The following B3GALT1 variants were observed in gnomAD, a reference collection of about 807,000 sequenced individuals.
B3GALT1 encodes the protein UDP-Gal:betaGlcNAc beta 1,3-galactosyltransferase, polypeptide 1.
In B3GALT1, 10 loss-of-function variants were observed where a neutral mutation model predicts 23.2. That is an observed-to-expected ratio of 0.43 (90% CI 0.27 to 0.73). The LOEUF (loss-of-function observed/expected upper bound fraction) is 0.73. B3GALT1 is among the 30% of genes least tolerant of loss of function. The probability of loss-of-function intolerance (pLI) is 0.21; values close to 1 mark genes in which losing one functional copy is unlikely to be tolerated. For missense variants in B3GALT1, 299 were observed against 405.4 expected (o/e 0.74, Z 2.25); for synonymous variants, 156 against 141.5 (o/e 1.10, Z -0.73).
intron 2 of B3GALT1, among the ~76,000 whole-genome samples, chr2:167,600,519 A>G (rs940030350): frequency 6.6e-6 from 1 of 152,146 alleles, no homozygotes; most frequent in African/African-American, 2.4e-5. Context: ...ACCCTTTGGT[A>G]CCGCTCCACC....
At chr2:167,630,458 C>T (rs1685420243) in intron 2 of B3GALT1, among the ~76,000 whole-genome samples, 1 of 151,684 alleles carries the variant, frequency 6.6e-6, no homozygotes, top group Non-Finnish European at 1.5e-5. Flanking sequence ...TAATTGGAGA[C>T]ATTTTGGTAG....
At chr2:167,429,238 G>A (rs1011825683) in intron 1 of B3GALT1, among the ~76,000 whole-genome samples, 6 of 146,444 alleles carry the variant, frequency 4.1e-5, no homozygotes, top group African/African-American at 7.7e-5. Context: ...CCGAGATCGC[G>A]CCGCTGCACT....
In B3GALT1 at chr2:167,808,842, T is replaced by C. The variant is rs1023927153; in HGVS notation, c.-351-9830T>C. ...TTGAATGTTGGCCTGTCTTGCTAGA[T>C]TGGGGAAGCTCTCCTGGATAATATC... On this transcript the variant is annotated intron_variant, in intron 3 of 4. Coordinates refer to ENST00000392690, the MANE Select transcript of B3GALT1 (RefSeq NM_020981.4). Among the ~76,000 whole-genome samples, 4 of 152,216 alleles carry C rather than the reference T, an allele frequency of 2.6e-5. No homozygotes were observed. In the South Asian group the frequency reaches 6.2e-4, roughly 24 times the overall value.
intron 4 of B3GALT1, among the ~76,000 whole-genome samples, chr2:167,838,002 G>C (rs1163746195): frequency 6.6e-6 from 1 of 151,466 alleles, no homozygotes; most frequent in Non-Finnish European, 1.5e-5. Flanking sequence ...CAACATACCA[G>C]AATCTCTGGG....
intron 3 of B3GALT1, among the ~76,000 whole-genome samples, chr2:167,816,589 T>TAATA: frequency 6.6e-6 from 1 of 152,320 alleles, no homozygotes; most frequent in East Asian, 1.9e-4. Flanking sequence ...CTTTGTTCAA[T>TAATA]AATATTTTAT....
intron 2 of B3GALT1, among the ~76,000 whole-genome samples, chr2:167,624,801 G>T (rs1047042126): frequency 1.3e-5 from 2 of 151,898 alleles, no homozygotes; most frequent in African/African-American, 2.4e-5. Flanking sequence ...AATGCTATTT[G>T]CATCAAACCA....
chr2:167,849,597 C>T (rs1689828309), intron 4 of B3GALT1, among the ~76,000 whole-genome samples: 1 of 152,152 alleles, frequency 6.6e-6, no homozygotes, highest in African/African-American at 2.4e-5. Flanking sequence ...GGATTAAGGA[C>T]TTAAACCTGG....
At chr2:167,398,284 A>G (rs1698128171) in intron 1 of B3GALT1, among the ~76,000 whole-genome samples, 1 of 152,104 alleles carries the variant, frequency 6.6e-6, no homozygotes, top group Non-Finnish European at 1.5e-5. Context: ...GTCTAGGTCT[A>G]GTGATTACAA....
At chr2:167,796,374 A>G (rs536006639) in intron 3 of B3GALT1, among the ~76,000 whole-genome samples, 1 of 152,252 alleles carries the variant, frequency 6.6e-6, no homozygotes, top group African/African-American at 2.4e-5. Flanking sequence ...ATTTTTTGGT[A>G]AGAGATGATG....
intron 3 of B3GALT1, among the ~76,000 whole-genome samples, chr2:167,696,847 G>T (rs1574218315): frequency 6.6e-6 from 1 of 152,188 alleles, no homozygotes; most frequent in Admixed American, 6.5e-5. Flanking sequence ...AGCAACAGCT[G>T]TTGATTGATT....
chr2:167,326,790 A>G (rs1395103874), intron 1 of B3GALT1, among the ~76,000 whole-genome samples: 1 of 152,050 alleles, frequency 6.6e-6, no homozygotes, highest in Non-Finnish European at 1.5e-5. Flanking sequence ...CCCGGGTTCA[A>G]GCAATTCTCA....
rs2105293596 is a variant in B3GALT1, at chr2:167,408,500, A to G, written c.-510-81677A>G. On this transcript the variant is annotated intron_variant, in intron 1 of 4. Transcript: ENST00000392690. ...TTTCACTATTTTTATTGAACATACT[A>G]CTGGAACTGCTGGCCAGAGCAATTA... Among the ~76,000 whole-genome samples the G allele has an allele frequency of 3.3e-5, 5 of 152,274 alleles. 2 individuals are homozygous for G. In the South Asian group the frequency reaches 1.0e-3, roughly 32 times the overall value.
At chr2:167,706,437 C>T (rs1332967849) in intron 3 of B3GALT1, among the ~76,000 whole-genome samples, 1 of 152,284 alleles carries the variant, frequency 6.6e-6, no homozygotes, top group East Asian at 1.9e-4. Flanking sequence ...ACACTGAGGA[C>T]CTTCAAAGAA....
intron 3 of B3GALT1, among the ~76,000 whole-genome samples, chr2:167,721,242 G>A (rs1398928450): frequency 6.6e-6 from 1 of 152,178 alleles, no homozygotes; most frequent in African/African-American, 2.4e-5. Context: ...GGAAATGCTG[G>A]TATCTGATCA....
chr2:167,565,810 C>T (rs573863529), intron 2 of B3GALT1, among the ~76,000 whole-genome samples: 1 of 152,182 alleles, frequency 6.6e-6, no homozygotes, highest in East Asian at 1.9e-4. Flanking sequence ...GATACCATCT[C>T]ACACCAGTTA....
intron 3 of B3GALT1, among the ~76,000 whole-genome samples, chr2:167,757,395 T>A (rs1346157049): frequency 2.6e-5 from 4 of 152,082 alleles, no homozygotes; most frequent in African/African-American, 9.7e-5. Context: ...TTTCTGAAAG[T>A]ACAGGTACCT....
intron 1 of B3GALT1, among the ~76,000 whole-genome samples, chr2:167,459,334 A>G (rs148536233): frequency 1.3e-5 from 2 of 152,278 alleles, no homozygotes; most frequent in East Asian, 3.9e-4. Context: ...CTAAAGTTAC[A>G]ATATTATAAC....
chr2:167,600,933 T>C (rs368138834), intron 2 of B3GALT1, among the ~76,000 whole-genome samples: 325 of 152,332 alleles, frequency 2.1e-3, no homozygotes, highest in Middle Eastern at 0.01. Flanking sequence ...AACATAGGAG[T>C]AGAAGTGCTG....
intron 2 of B3GALT1, among the ~76,000 whole-genome samples, chr2:167,550,258 CTTA>C (rs1558901355): frequency 2.6e-5 from 4 of 152,180 alleles, no homozygotes; most frequent in African/African-American, 7.2e-5. Context: ...ATTAAGTACA[CTTA>C]TTATCCTTTA....
Sources: gnomAD v4.1 joint callset for allele counts (sites outside exome capture counted in the v4.1 genomes callset) on GRCh38, gnomAD v4.1.1 for gene constraint, MANE v1.5 for transcripts, NCBI Gene and HGNC (gene_info 2026-07-23, HGNC 2026-07-21) for gene names.